SNX7: variants seen among roughly 807,000 people sequenced by gnomAD.
SNX7 encodes sorting nexin 7.
A neutral mutation model predicts 48.4 loss-of-function variants in SNX7; 35 were observed. The observed-to-expected ratio is 0.72, with a 90% CI of 0.55 to 0.96. The LOEUF (loss-of-function observed/expected upper bound fraction) is 0.96. Among genes scored for constraint, SNX7 ranks in the 40% least tolerant of loss-of-function variants. The pLI, the probability that SNX7 is intolerant of heterozygous loss-of-function variation, is 0.00. For missense variants in SNX7, 553 were observed against 548.9 expected (o/e 1.01, Z -0.07); for synonymous variants, 190 against 190.2 (o/e 1.00, Z 0.01).
chr1:98,662,551 A>G, intron 1 of SNX7: 1 of 713,156 alleles, frequency 1.4e-6, no homozygotes, highest in South Asian at 2.0e-5. Flanking sequence ...GCCCCCGGGA[A>G]ATTTAGGACC....
intron 8 of SNX7, among the ~76,000 whole-genome samples, chr1:98,759,214 GA>G (rs952668812): frequency 2.0e-4 from 29 of 142,148 alleles, no homozygotes; most frequent in East Asian, 2.0e-4. Flanking sequence ...ATCCACATTT[GA>G]AAAAAAAAAA....
intron 2 of SNX7, among the ~76,000 whole-genome samples, chr1:98,687,243 A>C (rs1239266530): frequency 6.6e-6 from 1 of 152,162 alleles, no homozygotes; most frequent in African/African-American, 2.4e-5. Context: ...CATTGTAATT[A>C]GCTGAGCTGG....
At chr1:98,714,520 A>C (rs1652485166) in intron 7 of SNX7, among the ~76,000 whole-genome samples, 1 of 152,170 alleles carries the variant, frequency 6.6e-6, no homozygotes, top group Non-Finnish European at 1.5e-5. Context: ...TAGTGCTATA[A>C]AGAGAATAAA....
At chr1:98,711,791 G>A (rs758196906) in intron 7 of SNX7, among the ~76,000 whole-genome samples, 2 of 152,160 alleles carry the variant, frequency 1.3e-5, no homozygotes, top group Admixed American at 6.5e-5. Context: ...TTTCACCAGT[G>A]AATTCCCCGT....
chr1:98,712,572 T>G (rs1240792636), intron 7 of SNX7, among the ~76,000 whole-genome samples: 2 of 152,250 alleles, frequency 1.3e-5, no homozygotes, highest in Admixed American at 6.5e-5. Flanking sequence ...AACAGATAAC[T>G]CTGTCATCCA....
chr1:98,685,005 G>T lies in SNX7; in HGVS notation c.301G>T (p.Asp101Tyr). ...PDLKDLFITV[D>Y]EPESHVTTIE... is the part of the protein sequence containing the mutation. ...TTTAAAGGATCTCTTCATCACAGTT[G>T]ATGAACCTGAAAGTCATGTTACTAC... Residue 101 changes from aspartate to tyrosine, a missense_variant, in exon 2 of 9, where the codon GAT (aspartate) becomes TAT (tyrosine). Physicochemically the swap from Asp to Tyr is radical, Grantham distance 160. Transcript: ENST00000306121. 1 of 1,591,718 alleles carries T rather than the reference G, an allele frequency of 6.3e-7. No individual in the cohort carries two copies. Among genetic ancestry groups the T allele is most frequent in the Non-Finnish European group, 8.6e-7 (1 of 1,167,428 alleles).
chr1:98,679,070 A>G (rs1650332374), intron 1 of SNX7, among the ~76,000 whole-genome samples: 1 of 152,226 alleles, frequency 6.6e-6, no homozygotes, highest in Non-Finnish European at 1.5e-5. Flanking sequence ...TGATAAAGAC[A>G]TAACCAAGAC....
intron 7 of SNX7, among the ~76,000 whole-genome samples, chr1:98,733,586 A>G (rs1253187699): frequency 6.6e-6 from 1 of 152,112 alleles, no homozygotes; most frequent in Non-Finnish European, 1.5e-5. Context: ...CAAGGTAAAC[A>G]TGCTTCTGTG....
At chr1:98,713,408 A>G (rs12083222) in intron 7 of SNX7, among the ~76,000 whole-genome samples, 2,014 of 151,928 alleles carry the variant, frequency 0.013, 56 homozygotes, top group African/African-American at 0.047. Context: ...TTGATCTTCT[A>G]CTCAGACCAC....
At chr1:98,695,936 C>T (rs1651432426) in intron 5 of SNX7, among the ~76,000 whole-genome samples, 1 of 152,138 alleles carries the variant, frequency 6.6e-6, no homozygotes, top group African/African-American at 2.4e-5. Context: ...CTCTACTTCC[C>T]ATTCATAGAT....
chr1:98,679,855 T>A (rs1650381092), intron 1 of SNX7, among the ~76,000 whole-genome samples: 1 of 152,172 alleles, frequency 6.6e-6, no homozygotes, highest in African/African-American at 2.4e-5. Flanking sequence ...GGGCTGGCAT[T>A]GCGTGTCTGT....
intron 8 of SNX7, among the ~76,000 whole-genome samples, chr1:98,759,704 C>T (rs538905834): frequency 2.8e-4 from 43 of 152,114 alleles, no homozygotes; most frequent in Admixed American, 5.2e-4. Context: ...GGATTCAAAT[C>T]GAACTGAAGT....
At position 98,691,461 on chromosome 1, in the gene SNX7, A is replaced by G. The variant is rs1651119604; in HGVS notation, c.475-74A>G. On this transcript the variant is annotated intron_variant, in intron 3 of 8. Transcript: ENST00000306121. ...CAGATGTTCAACTAGTCTTCCAAAC[A>G]GGGAAAGCGTAGAATTGCTTATAAA... is the stretch of plus-strand genomic sequence containing the variant. The G allele has an allele frequency of 2.4e-6, 3 of 1,258,628 alleles. No individual in the cohort carries two copies. In the East Asian group the frequency reaches 8.0e-5, roughly 34 times the overall value. 78.0% of individuals were successfully genotyped at this position (1,258,628 alleles called of 1,614,324 possible). A position where few individuals can be genotyped will look rare whatever the true frequency, so the allele number is the denominator to read the frequency against.
At chr1:98,720,265 G>T (rs1455450543) in intron 7 of SNX7, among the ~76,000 whole-genome samples, 2 of 151,960 alleles carry the variant, frequency 1.3e-5, no homozygotes, top group African/African-American at 4.8e-5. Flanking sequence ...AATCATGAGA[G>T]ATTTCCTAGA....
At chr1:98,718,958 C>G (rs773413859) in intron 7 of SNX7, among the ~76,000 whole-genome samples, 2 of 151,992 alleles carry the variant, frequency 1.3e-5, no homozygotes, top group East Asian at 3.9e-4. Context: ...ATATTTATTT[C>G]TGATATTTTG....
rs559521741 is a variant in SNX7 at position 98,754,778 on chromosome 1, T to G, written c.1279-5276T>G. ...GATCTAACATCAGTTTCATTGATTT[T>G]TCTTTACTGTTTTTGTTTTTTCTTT... On this transcript the variant is annotated intron_variant, in intron 8 of 8. Transcript: ENST00000306121. Among the ~76,000 whole-genome samples the G allele has an allele frequency of 8.5e-5, 13 of 152,098 alleles. No homozygotes were observed. The South Asian group carries it at 2.7e-3, about 32-fold the overall frequency.
intron 4 of SNX7, among the ~76,000 whole-genome samples, chr1:98,691,937 A>ACGCACACTCTCTCTCTCT (rs376006567): frequency 1.5e-5 from 2 of 131,066 alleles, no homozygotes; most frequent in Non-Finnish European, 3.3e-5. Context: ...ACACACACAC[A>ACGCACACTCTCTCTCTCT]CTCTCTCTCT....
At chr1:98,698,601 A>G (rs566658460) in intron 5 of SNX7, 105 bp from the exon 6 acceptor site, 1 of 930,942 alleles carries the variant, frequency 1.1e-6, no homozygotes, top group Non-Finnish European at 1.6e-6. Context: ...GTGTAAGAAC[A>G]TGTGCACTGT....
intron 7 of SNX7, among the ~76,000 whole-genome samples, chr1:98,727,834 A>G (rs1653269291): frequency 6.6e-6 from 1 of 152,118 alleles, no homozygotes; most frequent in Non-Finnish European, 1.5e-5. Flanking sequence ...ACAATATTAG[A>G]GCAAAAAGAA....
Sources: gnomAD v4.1 joint callset for allele counts (sites outside exome capture counted in the v4.1 genomes callset) on GRCh38, gnomAD v4.1.1 for gene constraint, MANE v1.5 for transcripts, NCBI Gene and HGNC (gene_info 2026-07-23, HGNC 2026-07-21) for gene names.